The following LRCH1 variants were observed in gnomAD, a reference collection of about 807,000 sequenced individuals.
LRCH1 encodes the protein leucine-rich repeat and calponin homology domain-containing protein 1.
In LRCH1, 23 loss-of-function variants were observed where a neutral mutation model predicts 94.9. That is an observed-to-expected ratio of 0.24 (90% CI 0.17 to 0.34). LRCH1 has a LOEUF of 0.34. LRCH1 is among the 10% of genes least tolerant of loss of function. The pLI is 1.00. For missense variants in LRCH1, 790 were observed against 945.9 expected (o/e 0.84, Z 2.16); for synonymous variants, 364 against 354.9 (o/e 1.03, Z -0.29).
intron 3 of LRCH1, among the ~76,000 whole-genome samples, chr13:46,675,623 G>GA (rs2051661467): frequency 6.6e-6 from 1 of 152,148 alleles, no homozygotes; most frequent in Admixed American, 6.5e-5. Context: ...AGCTGCTGAG[G>GA]AAAATCCCTT....
chr13:46,581,555 A>T (rs1223165976), intron 1 of LRCH1, among the ~76,000 whole-genome samples: 1 of 152,182 alleles, frequency 6.6e-6, no homozygotes, highest in Non-Finnish European at 1.5e-5. Flanking sequence ...GACTCACGAG[A>T]ACTCTATAAG....
At chr13:46,578,326 T>C (rs1594257548) in intron 1 of LRCH1, among the ~76,000 whole-genome samples, 1 of 152,334 alleles carries the variant, frequency 6.6e-6, no homozygotes, top group East Asian at 1.9e-4. Context: ...ACAATGGCCC[T>C]GCTTCCCCAT....
chr13:46,634,558 A>G (rs1052857589), intron 1 of LRCH1, among the ~76,000 whole-genome samples: 23 of 152,264 alleles, frequency 1.5e-4, no homozygotes, highest in African/African-American at 5.1e-4. Context: ...TCCATCCTGC[A>G]GACTTCCAAA....
chr13:46,671,075 G>A (rs1438341673), intron 3 of LRCH1, among the ~76,000 whole-genome samples: 1 of 152,182 alleles, frequency 6.6e-6, no homozygotes, highest in Non-Finnish European at 1.5e-5. Flanking sequence ...TCTTGCCACT[G>A]GCACCTTCAC....
intron 1 of LRCH1, among the ~76,000 whole-genome samples, chr13:46,606,952 T>C (rs1288004437): frequency 6.6e-6 from 1 of 152,044 alleles, no homozygotes; most frequent in African/African-American, 2.4e-5. Flanking sequence ...AAGCACCTAT[T>C]TGGGTGAAGA....
intron 18 of LRCH1, among the ~76,000 whole-genome samples, chr13:46,729,716 A>C (rs1873007498): frequency 6.6e-6 from 1 of 152,186 alleles, no homozygotes; most frequent in African/African-American, 2.4e-5. Flanking sequence ...CTTCCCTTCT[A>C]AATTGAATCT....
intron 1 of LRCH1, among the ~76,000 whole-genome samples, chr13:46,605,769 T>TA (rs1379423212): frequency 1.3e-5 from 2 of 152,222 alleles, no homozygotes; most frequent in Non-Finnish European, 2.9e-5. Context: ...GTTTTCTTTC[T>TA]AAAAAATGTT....
chr13:46,637,469 A>AT (rs1222346749), intron 1 of LRCH1, among the ~76,000 whole-genome samples: 1 of 151,920 alleles, frequency 6.6e-6, no homozygotes, highest in Admixed American at 6.6e-5. Context: ...TCTTTTCTTG[A>AT]TTTTCTCACC....
intron 3 of LRCH1, among the ~76,000 whole-genome samples, chr13:46,680,501 C>A (rs754041856): frequency 6.6e-6 from 1 of 152,050 alleles, no homozygotes; most frequent in Non-Finnish European, 1.5e-5. Context: ...GGGGAAGCCT[C>A]GTGAAAGATT....
chr13:46,657,482 T>TC (rs1222232945), intron 2 of LRCH1, among the ~76,000 whole-genome samples: 2 of 136,190 alleles, frequency 1.5e-5, no homozygotes, highest in Non-Finnish European at 3.2e-5. Context: ...CTTTCATTTT[T>TC]ACTTTTTCTT....
At chr13:46,687,464 A>G (rs1453091785) in intron 5 of LRCH1, among the ~76,000 whole-genome samples, 9 of 152,194 alleles carry the variant, frequency 5.9e-5, no homozygotes, top group South Asian at 2.1e-4. Context: ...TAAATCTACA[A>G]TTATTTTTAG....
chr13:46,660,188 T>A (rs1329823548), intron 2 of LRCH1, among the ~76,000 whole-genome samples: 1 of 151,242 alleles, frequency 6.6e-6, no homozygotes, highest in African/African-American at 2.4e-5. Flanking sequence ...ATTTTTTGTA[T>A]TTTTTTTAGT....
chr13:46,667,292 G>T (rs1819512775), intron 2 of LRCH1, among the ~76,000 whole-genome samples: 1 of 152,160 alleles, frequency 6.6e-6, no homozygotes, highest in African/African-American at 2.4e-5. Flanking sequence ...CCACAGCACA[G>T]CACCTGCTTT....
chr13:46,553,516 C>T lies in LRCH1; in HGVS notation c.120C>T (p.Gly40=), dbSNP rs1423303724. The part of the protein sequence containing the change: ...HHHHQHHGGT[G]APGGAGGGGG... The stretch of plus-strand genomic sequence containing the variant: ...ACCATCAGCACCACGGAGGAACCGG[C>T]GCCCCCGGCGGGGCGGGTGGTGGCG... The change falls in exon 1 of 20, where the codon GGC becomes GGT. Residue 40 remains glycine (G), a synonymous_variant. Transcript: ENST00000389797. 1 of 1,546,606 alleles carries T rather than the reference C, an allele frequency of 6.5e-7. No homozygotes were observed. Among genetic ancestry groups the T allele is most frequent in the Middle Eastern group, 1.7e-4 (1 of 5,978 alleles).
intron 3 of LRCH1, among the ~76,000 whole-genome samples, chr13:46,675,915 G>A (rs1246668905): frequency 1.3e-5 from 2 of 152,214 alleles, no homozygotes; most frequent in African/African-American, 4.8e-5. Flanking sequence ...GTGTTGAAAG[G>A]TGATAATTTG....
At chr13:46,603,978 T>G (rs769481651) in intron 1 of LRCH1, among the ~76,000 whole-genome samples, 2 of 152,182 alleles carry the variant, frequency 1.3e-5, no homozygotes, top group Non-Finnish European at 2.9e-5. Context: ...GAAATTAGCT[T>G]GTTGATTCTT....
intron 2 of LRCH1, among the ~76,000 whole-genome samples, chr13:46,652,500 C>G (rs1448384383): frequency 1.3e-5 from 2 of 151,632 alleles, no homozygotes; most frequent in African/African-American, 4.9e-5. Flanking sequence ...TGTCTGGAGG[C>G]TCATATATCT....
chr13:46,746,527 A>C (rs1360597242), downstream of LRCH1, among the ~76,000 whole-genome samples: 1 of 152,226 alleles, frequency 6.6e-6, no homozygotes, highest in Non-Finnish European at 1.5e-5. Flanking sequence ...GTACTTTAAA[A>C]AGAAACACAA....
intron 1 of LRCH1, among the ~76,000 whole-genome samples, chr13:46,586,041 A>G (rs1044876870): frequency 4.6e-5 from 7 of 152,284 alleles, no homozygotes; most frequent in Admixed American, 3.3e-4. Context: ...GTTTTATTTT[A>G]AAATTTGTTT....
Sources: allele counts gnomAD v4.1 joint callset (sites outside exome capture counted in the v4.1 genomes callset), GRCh38; gene constraint gnomAD v4.1.1; transcripts MANE v1.5; gene names NCBI Gene and HGNC (gene_info 2026-07-23, HGNC 2026-07-21).